The following LINGO1 variants were observed in gnomAD, a reference collection of about 807,000 sequenced individuals.
LINGO1 encodes leucine rich repeat and Ig domain containing 1, also known as leucine-rich repeat and immunoglobulin-like domain-containing nogo receptor-interacting protein 1.
LINGO1 carries 11 observed loss-of-function variants against 37.3 expected under a neutral mutation model. The ratio of observed to expected loss-of-function variants is 0.29; its 90% CI spans 0.19 to 0.49. LINGO1 has a LOEUF of 0.49. Among genes scored for constraint, LINGO1 ranks in the 20% least tolerant of loss-of-function variants. The pLI is 0.99. For synonymous variants in LINGO1, 387 were observed against 403.0 expected, an observed-to-expected ratio of 0.96 and a Z score of 0.48; for missense variants, 585 against 878.2, an observed-to-expected ratio of 0.67 and a Z score of 4.22.
At chr15:77,810,834 G>C (rs1370442308) in intron 1 of LINGO1, among the ~76,000 whole-genome samples, 3 of 152,164 alleles carry the variant, frequency 2.0e-5, no homozygotes, top group Non-Finnish European at 4.4e-5. Flanking sequence ...GCTACCTTGG[G>C]CTGGCAGAGG....
chr15:77,761,207 G>A (rs905944668), intron 1 of LINGO1, among the ~76,000 whole-genome samples: 6 of 151,952 alleles, frequency 3.9e-5, no homozygotes, highest in Non-Finnish European at 8.8e-5. Context: ...TGGGATTACA[G>A]GTGTGAGCCA....
At chr15:77,766,123 C>T (rs1444766105) in intron 1 of LINGO1, among the ~76,000 whole-genome samples, 1 of 151,668 alleles carries the variant, frequency 6.6e-6, no homozygotes, top group African/African-American at 2.4e-5. Flanking sequence ...AACAAAAGTG[C>T]AATGTGAAAA....
Position 77,808,367 on chromosome 15 carries a change from C to T in LINGO1, c.-458+11891G>A, listed in dbSNP as rs58637764. On this transcript the variant is annotated intron_variant, in intron 1 of 5. Coordinates refer to the LINGO1 transcript ENST00000562933. ...GGAGCATAAGGATGCATTCCTGTAT[C>T]GGGGCAAAGGCCTTGAGAGGGAGGT... Among the ~76,000 whole-genome samples the T allele has an allele frequency of 3.2e-3, 490 of 152,228 alleles. 11 individuals are homozygous for T. In the East Asian group the frequency reaches 0.081, roughly 25 times the overall value.
intron 2 of LINGO1, among the ~76,000 whole-genome samples, chr15:77,683,123 A>C (rs1334008291): frequency 6.6e-6 from 1 of 152,260 alleles, no homozygotes; most frequent in Admixed American, 6.5e-5. Context: ...CAAAAACTGC[A>C]CGAAAAGATG....
intron 1 of LINGO1, among the ~76,000 whole-genome samples, chr15:77,808,602 A>T (rs1405664388): frequency 1.3e-5 from 2 of 151,540 alleles, no homozygotes; most frequent in East Asian, 1.9e-4. Flanking sequence ...TGCAGCACAG[A>T]CTCCCCTCTG....
chr15:77,784,603 A>G (rs2076753472), intron 1 of LINGO1: 1 of 152,148 alleles, frequency 6.6e-6, no homozygotes, highest in Admixed American at 6.5e-5. Context: ...TTCATTTAGG[A>G]CATGCCTGAG....
intron 1 of LINGO1, among the ~76,000 whole-genome samples, chr15:77,763,649 G>A (rs1051495055): frequency 2.0e-5 from 3 of 152,002 alleles, no homozygotes; most frequent in Non-Finnish European, 2.9e-5. Flanking sequence ...CTGGCTTTAG[G>A]AACTCTTACC....
chr15:77,689,140 T>C (rs1567523324), intron 2 of LINGO1, among the ~76,000 whole-genome samples: 1 of 151,902 alleles, frequency 6.6e-6, no homozygotes, highest in Non-Finnish European at 1.5e-5. Flanking sequence ...CAGGTGAAGG[T>C]TGAGAGAAGA....
chr15:77,653,936 G>T (rs2074816306), intron 3 of LINGO1, among the ~76,000 whole-genome samples: 1 of 152,250 alleles, frequency 6.6e-6, no homozygotes, highest in African/African-American at 2.4e-5. Context: ...GAGTCATTAA[G>T]GAATGTTAAC....
intron 1 of LINGO1, among the ~76,000 whole-genome samples, chr15:77,748,909 CTTTTT>C (rs67399483): frequency 2.3e-5 from 2 of 87,792 alleles, no homozygotes; most frequent in East Asian, 8.3e-4. Context: ...CCTTCCTTCT[CTTTTT>C]TTTTTTTTTT....
intron 2 of LINGO1, among the ~76,000 whole-genome samples, chr15:77,730,578 G>A (rs185552680): frequency 2.1e-4 from 32 of 152,304 alleles, no homozygotes; most frequent in Non-Finnish European, 4.3e-4. Context: ...ATCCAGACTG[G>A]TCCAGACTCT....
At chr15:77,760,286 G>A (rs1239467146) in intron 1 of LINGO1, among the ~76,000 whole-genome samples, 1 of 152,162 alleles carries the variant, frequency 6.6e-6, no homozygotes, top group East Asian at 1.9e-4. Context: ...GGGGCCTCTG[G>A]AGTGAGCCCA....
chr15:77,681,550 G>A (rs1197092822), intron 2 of LINGO1, among the ~76,000 whole-genome samples: 1 of 152,216 alleles, frequency 6.6e-6, no homozygotes, highest in Non-Finnish European at 1.5e-5. Flanking sequence ...GAAAATGCCT[G>A]ACTAGAATTG....
At chr15:77,671,953 C>T (rs7170639) in intron 3 of LINGO1, among the ~76,000 whole-genome samples, 21,065 of 151,984 alleles carry the variant, frequency 0.14, 1,518 homozygotes, top group Middle Eastern at 0.19. Flanking sequence ...GGCTCATGGG[C>T]GGCTGATTTC....
chr15:77,643,739 G>C (rs2074561001), intron 3 of LINGO1, among the ~76,000 whole-genome samples: 1 of 152,238 alleles, frequency 6.6e-6, no homozygotes, highest in Non-Finnish European at 1.5e-5. Flanking sequence ...CCCTGGCCCA[G>C]GGGCAGCAAA....
At chr15:77,779,627 C>T (rs2076695567) in intron 1 of LINGO1, among the ~76,000 whole-genome samples, 1 of 152,116 alleles carries the variant, frequency 6.6e-6, no homozygotes, top group Non-Finnish European at 1.5e-5. Context: ...AATCTAAAGG[C>T]TCCACTGATC....
chr15:77,817,456 G>A (rs1421636164), intron 1 of LINGO1, among the ~76,000 whole-genome samples: 2 of 152,152 alleles, frequency 1.3e-5, no homozygotes, highest in African/African-American at 2.4e-5. Flanking sequence ...AGGTTGGGCG[G>A]GAGTGATTCG....
chr15:77,756,706 C>A (rs1396355932), intron 1 of LINGO1, among the ~76,000 whole-genome samples: 2 of 152,236 alleles, frequency 1.3e-5, no homozygotes, highest in Non-Finnish European at 2.9e-5. Flanking sequence ...GTGTTAAGAA[C>A]ATCAACATGC....
intron 1 of LINGO1, among the ~76,000 whole-genome samples, chr15:77,782,712 A>C (rs1189476531): frequency 3.7e-4 from 47 of 126,628 alleles, no homozygotes; most frequent in Admixed American, 5.6e-4. Flanking sequence ...CCAGCCACCC[A>C]CTCTTCGCCA....
Sources: gnomAD v4.1 joint callset for allele counts (sites outside exome capture counted in the v4.1 genomes callset) on GRCh38, gnomAD v4.1.1 for gene constraint, MANE v1.5 for transcripts, NCBI Gene and HGNC (gene_info 2026-07-23, HGNC 2026-07-21) for gene names.